Variants in EIF1 observed in about 807,000 individuals in gnomAD.
EIF1 encodes eukaryotic translation initiation factor 1, also known as protein translation factor SUI1 homolog.
EIF1 carries 4 observed loss-of-function variants against 13.7 expected under a neutral mutation model. The observed-to-expected ratio is 0.29, with a 90% CI of 0.14 to 0.67. The LOEUF (loss-of-function observed/expected upper bound fraction) is 0.67. Among genes scored for constraint, EIF1 ranks in the 30% least tolerant of loss-of-function variants. The probability of loss-of-function intolerance (pLI) is 0.77; values close to 1 mark genes in which losing one functional copy is unlikely to be tolerated. For synonymous variants in EIF1, 67 were observed against 50.7 expected (o/e 1.32, Z -1.37); for missense variants, 64 against 138.0 (o/e 0.46, Z 2.69).
In EIF1 at chr17:41,691,181, A is replaced by G. The variant is rs1910366788; in HGVS notation, c.*355A>G. The G allele has an allele frequency of 1.3e-5, 6 of 463,316 alleles. No homozygotes were observed. The highest frequency in any genetic ancestry group is 2.3e-5 in the Non-Finnish European group (6 of 259,620). 28.7% of individuals were successfully genotyped at this position (463,316 alleles called of 1,614,324 possible). ...CTGCAGAGTTCCCTACCCTAAGAGAATGTTACCACCTGAACAGTCCTCGGT... is the reference window on the plus strand; with the variant it reads ...CTGCAGAGTTCCCTACCCTAAGAGAGTGTTACCACCTGAACAGTCCTCGGT... On this transcript the variant is annotated 3_prime_UTR_variant, in exon 4 of 4. Transcript: ENST00000469257.
Position 41,688,923 on chromosome 17 carries a change from T to A in EIF1, c.-116T>A, listed in dbSNP as rs1363653866. ...AGCCGCCGCCGAGGATTCAGCAGCCTCCCCCTTGAGCCCCCTCGCTTCCCG... is the reference window on the plus strand; with the variant it reads ...AGCCGCCGCCGAGGATTCAGCAGCCACCCCCTTGAGCCCCCTCGCTTCCCG... On this transcript the variant is annotated 5_prime_UTR_variant, in exon 1 of 4. Transcript: ENST00000469257. 1 of 1,049,484 alleles carries A rather than the reference T, an allele frequency of 9.5e-7. No homozygotes were observed. Among genetic ancestry groups the A allele is most frequent in the Non-Finnish European group, 1.4e-6 (1 of 702,568 alleles). The allele number at this position is 1,049,484 out of a possible 1,614,324, so 65.0% of individuals were successfully genotyped here.
rs949456169 is a variant in EIF1, at chr17:41,691,676, G to A, written c.*850G>A. On this transcript the variant is annotated 3_prime_UTR_variant, in exon 4 of 4. Coordinates refer to ENST00000469257, the MANE Select transcript of EIF1 (RefSeq NM_005801.4). ...ACTTGCAGATTATTTATATATAGTC[G>A]ATCTTGTGCATATAAAGGAACCATA... is the stretch of plus-strand genomic sequence containing the variant. The A allele has an allele frequency of 1.3e-5, 2 of 152,472 alleles. No individual in the cohort carries two copies. The highest frequency in any genetic ancestry group is 2.4e-5 in the African/African-American group (1 of 41,366). 9.4% of individuals were successfully genotyped at this position (152,472 alleles called of 1,614,324 possible).
At chr17:41,689,439 G>A (rs909031699) in intron 1 of EIF1, 7 of 483,674 alleles carry the variant, frequency 1.4e-5, no homozygotes, top group African/African-American at 5.9e-5. Context: ...TGGCAAGCGG[G>A]TGCACCAATG....
chr17:41,688,983 ACCGCCGCCG>A lies in EIF1; in HGVS notation c.-50_-42del, dbSNP rs534901680. ...TCCCCCCTGCCCGCCTTCTCCCGCC[ACCGCCGCCG>A]CCGCCTTCCGCAGGCCGTTTCCACC... On this transcript the variant is annotated 5_prime_UTR_variant, in exon 1 of 4. Transcript: ENST00000469257. 8 of 1,580,798 alleles carry A rather than the reference ACCGCCGCCG, an allele frequency of 5.1e-6. No individual in the cohort carries two copies. The highest frequency in any genetic ancestry group is 3.4e-5 in the Admixed American group (2 of 59,046).
intron 1 of EIF1, chr17:41,689,389 T>C: frequency 1.9e-6 from 1 of 522,668 alleles, no homozygotes. Flanking sequence ...TCACCACCCG[T>C]TGTCACGGAT....
At position 41,691,019 on chromosome 17, in the gene EIF1, C is replaced by T. The variant is rs1293539076; in HGVS notation, c.*193C>T. 17 of 614,574 alleles carry T rather than the reference C, an allele frequency of 2.8e-5. No individual in the cohort carries two copies. The highest frequency in any genetic ancestry group is 4.3e-5 in the Non-Finnish European group (15 of 351,690). 38.1% of individuals were successfully genotyped at this position (614,574 alleles called of 1,614,324 possible). On this transcript the variant is annotated 3_prime_UTR_variant, in exon 4 of 4. Coordinates refer to ENST00000469257, the MANE Select transcript of EIF1 (RefSeq NM_005801.4). ...GAGCCATGCTGTCTAGTCTTGAAGTCCCTCATTTAAACAGAGGTCAAGCAA... is the reference window on the plus strand; with the variant it reads ...GAGCCATGCTGTCTAGTCTTGAAGTTCCTCATTTAAACAGAGGTCAAGCAA...
In EIF1 at chr17:41,692,508, T is replaced by C. The variant is rs1457262605; in HGVS notation, c.*1682T>C. On this transcript the variant is annotated 3_prime_UTR_variant, in exon 4 of 4. Transcript: ENST00000469257. ...GCAGTCACGTGCTGCCTAAGGATGCTTCATTCAACAATGAGCCTCACAGCC... is the reference window on the plus strand; with the variant it reads ...GCAGTCACGTGCTGCCTAAGGATGCCTCATTCAACAATGAGCCTCACAGCC... 1 of 151,714 alleles carries C rather than the reference T, an allele frequency of 6.6e-6. No homozygotes were observed. Among genetic ancestry groups the C allele is most frequent in the Non-Finnish European group, 1.5e-5 (1 of 67,986 alleles). 9.4% of individuals were successfully genotyped at this position (151,714 alleles called of 1,614,324 possible).
chr17:41,690,312 T>G (rs1427222118), intron 3 of EIF1, 123 bp downstream of exon 3: 5 of 697,790 alleles, frequency 7.2e-6, no homozygotes, highest in Non-Finnish European at 1.2e-5. Flanking sequence ...AGTTGGGTTT[T>G]AAAGTACATA....
At chr17:41,689,332 CG>C (rs1160960046) in intron 1 of EIF1, 33 of 575,198 alleles carry the variant, frequency 5.7e-5, no homozygotes, top group South Asian at 4.8e-4. Context: ...TGGGCCTCCT[CG>C]GGCCACACCC....
In EIF1 at chr17:41,689,074, G is replaced by A. The variant is rs1277282588; in HGVS notation, c.31+5G>A. 8 of 1,613,572 alleles carry A rather than the reference G, an allele frequency of 5.0e-6. No homozygotes were observed. Among genetic ancestry groups the A allele is most frequent in the African/African-American group, 1.3e-5 (1 of 74,926 alleles). ...TCCAGAACCTCCACTCTTTCGGTAAGCTATGGGAAAGGTCGCGGGCCCGGG... is the reference window on the plus strand; with the variant it reads ...TCCAGAACCTCCACTCTTTCGGTAAACTATGGGAAAGGTCGCGGGCCCGGG... On this transcript the variant is annotated splice_donor_5th_base_variant and intron_variant, in intron 1 of 3. Coordinates refer to ENST00000469257, the MANE Select transcript of EIF1 (RefSeq NM_005801.4).
At position 41,689,816 on chromosome 17, in the gene EIF1, C is replaced by G; in HGVS notation, c.70C>G (p.Pro24Ala). Residue 24 changes from proline (P) to alanine (A), a missense_variant, in exon 2 of 4, where the codon CCT (proline) becomes GCT (alanine). This residue lies in a region of EIF1 where 29 missense variants were observed against 34.7 expected (regional missense o/e 0.84). Transcript: ENST00000469257. The part of the protein sequence containing the change: ...ADASKGDDLL[P>A]AGTEDYIHIR... Reference sequence around the variant, plus strand: ...TGCAAGTAAGGGTGATGACCTGCTTCCTGCTGGCACTGAGGATTATATCCA... The same window carrying G: ...TGCAAGTAAGGGTGATGACCTGCTTGCTGCTGGCACTGAGGATTATATCCA... 1 of 1,613,020 alleles carries G rather than the reference C, an allele frequency of 6.2e-7. No homozygotes were observed. The highest frequency in any genetic ancestry group is 1.1e-5 in the South Asian group (1 of 90,998).
Position 41,690,122 on chromosome 17 carries a change from C to T in EIF1, c.230C>T (p.Pro77Leu). ...FACNGTVIEH[P>L]EYGEVIQLQG... The stretch of plus-strand genomic sequence containing the variant: ...TGCAATGGTACTGTAATTGAGCATC[C>T]GGAATATGGAGAAGTAATTCAGCTA... Residue 77 changes from proline to leucine, a missense_variant, in exon 3 of 4, where the codon CCG becomes CTG. Pro to Leu is a moderately conservative substitution (Grantham distance 98). Around this residue, in one of 2 missense-constraint regions of EIF1, gnomAD observed 35 missense variants for 103.4 expected, o/e 0.34. Transcript: ENST00000469257. 6.2e-7 allele frequency: 1 copy of T among 1,614,104 alleles called. No individual in the cohort carries two copies. Among genetic ancestry groups the T allele is most frequent in the Non-Finnish European group, 8.5e-7 (1 of 1,180,032 alleles).
chr17:41,689,201 A>G, intron 1 of EIF1, 132 bp downstream of exon 1: 1 of 1,090,284 alleles, frequency 9.2e-7, no homozygotes, highest in Non-Finnish European at 1.4e-6. Context: ...CCAGGGTCGC[A>G]GGGCAGCGGG....
At chr17:41,689,518 C>T (rs1365284244) in intron 1 of EIF1, 5 of 471,782 alleles carry the variant, frequency 1.1e-5, no homozygotes, top group African/African-American at 1.0e-4. Context: ...GGTGGGGCAC[C>T]GCCTGGCAGC....
intron 1 of EIF1, chr17:41,689,436 C>A: frequency 2.1e-6 from 1 of 479,622 alleles, no homozygotes. Flanking sequence ...AAGTGGCAAG[C>A]GGGTGCACCA....
In EIF1 at chr17:41,688,910, G is replaced by C; in HGVS notation, c.-129G>C. The C allele has an allele frequency of 1.1e-6, 1 of 907,392 alleles. No homozygotes were observed. The highest frequency in any genetic ancestry group is 1.7e-6 in the Non-Finnish European group (1 of 583,970). The allele number at this position is 907,392 out of a possible 1,614,324, so 56.2% of individuals were successfully genotyped here. Reference sequence around the variant, plus strand: ...GCCCCAGTCACTGAGCCGCCGCCGAGGATTCAGCAGCCTCCCCCTTGAGCC... The same window carrying C: ...GCCCCAGTCACTGAGCCGCCGCCGACGATTCAGCAGCCTCCCCCTTGAGCC... On this transcript the variant is annotated 5_prime_UTR_variant, in exon 1 of 4. Coordinates refer to ENST00000469257, the MANE Select transcript of EIF1 (RefSeq NM_005801.4).
chr17:41,691,134 C>T lies in EIF1; in HGVS notation c.*308C>T, dbSNP rs572572898. The T allele has an allele frequency of 5.9e-5, 31 of 524,388 alleles. No homozygotes were observed. In the Admixed American group the frequency reaches 7.1e-4, roughly 12 times the overall value. The allele number at this position is 524,388 out of a possible 1,614,324, so 32.5% of individuals were successfully genotyped here. ...CCCTAAGATTACAAACAACTATGGC[C>T]GGAACCTCCTCAGCTCTCCCTCTGC... is the stretch of plus-strand genomic sequence containing the variant. On this transcript the variant is annotated 3_prime_UTR_variant, in exon 4 of 4. Coordinates refer to ENST00000469257, the MANE Select transcript of EIF1 (RefSeq NM_005801.4).
At chr17:41,689,661 C>A in intron 1 of EIF1, 117 bp from the exon 2 acceptor site, 4 of 1,095,796 alleles carry the variant, frequency 3.7e-6, no homozygotes, top group Non-Finnish European at 5.1e-6. Context: ...TCGGCCTGGC[C>A]CAAGCCCTGA....
rs1910284238 is a variant in EIF1 at position 41,689,062 on chromosome 17, C to T, written c.24C>T (p.His8=). 3 of 1,613,626 alleles carry T rather than the reference C, an allele frequency of 1.9e-6. No homozygotes were observed. Among genetic ancestry groups the T allele is most frequent in the Admixed American group, 1.7e-5 (1 of 60,008 alleles). ...GTATGTCCGCTATCCAGAACCTCCA[C>T]TCTTTCGGTAAGCTATGGGAAAGGT... The part of the protein sequence containing the change: MSAIQNL[H]SFDPFADASK... The change falls in exon 1 of 4, where the codon CAC becomes CAT. Residue 8 remains histidine, a synonymous_variant. Transcript: ENST00000469257.
Sources: gnomAD v4.1 joint callset for allele counts on GRCh38, gnomAD v4.1.1 for gene constraint, gnomAD v4.1.1 regional missense constraint, MANE v1.5 for transcripts, NCBI Gene and HGNC (gene_info 2026-07-23, HGNC 2026-07-21) for gene names.